Variants in CTNNA3 observed in about 807,000 individuals in gnomAD.
CTNNA3 encodes catenin alpha-3.
Under a neutral mutation model 95.7 loss-of-function variants are expected in CTNNA3, and 76 were observed. The ratio of observed to expected loss-of-function variants is 0.79; its 90% CI spans 0.66 to 0.96. The LOEUF is 0.96. CTNNA3 is among the 40% of genes least tolerant of loss of function. CTNNA3 has a pLI of 0.00. For synonymous variants in CTNNA3, 431 were observed against 374.4 expected, an observed-to-expected ratio of 1.15 and a Z score of -1.74; for missense variants, 1,191 against 1,089.8, an observed-to-expected ratio of 1.09 and a Z score of -1.31.
chr10:67,420,923 G>A lies in CTNNA3; in HGVS notation c.579+100919C>T, dbSNP rs1044052209. On this transcript the variant is annotated intron_variant, in intron 5 of 17. Transcript: ENST00000433211. ...TATCAAACTTAATAGTTTTGTTGTTGTTGTTCTAAAGAAAATAATTCAAAT... is the reference window on the plus strand; with the variant it reads ...TATCAAACTTAATAGTTTTGTTGTTATTGTTCTAAAGAAAATAATTCAAAT... Among the ~76,000 whole-genome samples the A allele has an allele frequency of 4.6e-5, 7 of 151,972 alleles. 1 individual carries two copies. The highest frequency in any genetic ancestry group is 4.6e-4 in the Admixed American group (7 of 15,234).
chr10:67,187,556 T>C (rs967029279), intron 6 of CTNNA3, among the ~76,000 whole-genome samples: 3 of 151,878 alleles, frequency 2.0e-5, no homozygotes, highest in Non-Finnish European at 4.4e-5. Context: ...CTCTCTTTCT[T>C]TCTCTCTCTC....
intron 7 of CTNNA3, among the ~76,000 whole-genome samples, chr10:66,851,052 T>C (rs10822928): frequency 0.58 from 87,681 of 151,908 alleles, 26,338 homozygotes; most frequent in Non-Finnish European, 0.63. Flanking sequence ...TGAAAGAAAG[T>C]CCAGACTCCT....
At chr10:67,328,807 C>T (rs1267961340) in intron 5 of CTNNA3, among the ~76,000 whole-genome samples, 2 of 152,124 alleles carry the variant, frequency 1.3e-5, no homozygotes, top group African/African-American at 2.4e-5. Flanking sequence ...CACCTGCCTG[C>T]GTCTAGTTGG....
chr10:67,575,492 C>T (rs1842113650), intron 3 of CTNNA3, among the ~76,000 whole-genome samples: 2 of 152,082 alleles, frequency 1.3e-5, no homozygotes, highest in African/African-American at 4.8e-5. Flanking sequence ...GAAAAAAAGC[C>T]CTCATTTTAT....
intron 11 of CTNNA3, among the ~76,000 whole-genome samples, chr10:66,391,267 C>T (rs1179712451): frequency 1.4e-5 from 2 of 144,336 alleles, no homozygotes; most frequent in African/African-American, 5.5e-5. Flanking sequence ...CTTATACAAA[C>T]TCTGCAGCAC....
intron 13 of CTNNA3, among the ~76,000 whole-genome samples, chr10:66,201,495 C>G (rs1288002249): frequency 1.3e-5 from 2 of 152,128 alleles, no homozygotes; most frequent in African/African-American, 4.8e-5. Flanking sequence ...CTCCAATAGG[C>G]CTATATCTAA....
intron 13 of CTNNA3, among the ~76,000 whole-genome samples, chr10:66,135,058 T>A (rs1458634794): frequency 6.6e-6 from 1 of 152,138 alleles, no homozygotes; most frequent in Non-Finnish European, 1.5e-5. Context: ...TAAGAAGAGA[T>A]ACTGAACTGG....
At chr10:66,446,195 C>G (rs955623550) in intron 11 of CTNNA3, among the ~76,000 whole-genome samples, 1 of 151,870 alleles carries the variant, frequency 6.6e-6, no homozygotes, top group African/African-American at 2.4e-5. Context: ...GCTTACAAAC[C>G]AAAAAAAGTC....
At chr10:67,672,713 G>A (rs1210544103) in intron 1 of CTNNA3, among the ~76,000 whole-genome samples, 2 of 152,100 alleles carry the variant, frequency 1.3e-5, no homozygotes, top group African/African-American at 4.8e-5. Context: ...TGTTCCATTG[G>A]TCGATATCTC....
At position 66,975,063 on chromosome 10, in the gene CTNNA3, A is replaced by T. The variant is rs535040687; in HGVS notation, c.1048-199539T>A. Among the ~76,000 whole-genome samples, 5 of 152,264 alleles carry T rather than the reference A, an allele frequency of 3.3e-5. No individual in the cohort carries two copies. The East Asian group carries it at 5.8e-4, about 18-fold the overall frequency. ...TAATCTGGTATTTTAGACTCCATTA[A>T]GACTCGCCATTTTGTAGCTGACCAA... is the stretch of plus-strand genomic sequence containing the variant. On this transcript the variant is annotated intron_variant, in intron 7 of 17. Transcript: ENST00000433211.
intron 5 of CTNNA3, among the ~76,000 whole-genome samples, chr10:67,471,888 TA>T (rs550650303): frequency 6.6e-6 from 1 of 152,140 alleles, no homozygotes; most frequent in Non-Finnish European, 1.5e-5. Context: ...GCTCCAAATA[TA>T]AAAAAATAAA....
intron 17 of CTNNA3, among the ~76,000 whole-genome samples, chr10:65,921,307 T>G (rs1477915417): frequency 6.6e-6 from 1 of 152,242 alleles, no homozygotes; most frequent in Non-Finnish European, 1.5e-5. Flanking sequence ...TACCTGGATC[T>G]TTTCTCAAAA....
chr10:66,984,937 T>A (rs935022083), intron 7 of CTNNA3, among the ~76,000 whole-genome samples: 1 of 152,128 alleles, frequency 6.6e-6, no homozygotes, highest in Non-Finnish European at 1.5e-5. Context: ...TAATTCAAGG[T>A]AGGCACCTGC....
At chr10:66,217,974 G>A (rs1319725577) in intron 13 of CTNNA3, among the ~76,000 whole-genome samples, 1 of 152,036 alleles carries the variant, frequency 6.6e-6, no homozygotes, top group Non-Finnish European at 1.5e-5. Flanking sequence ...GAAGGAGCTG[G>A]AGCCAGGAGA....
At chr10:67,231,253 C>A (rs1032395394) in intron 5 of CTNNA3, among the ~76,000 whole-genome samples, 10 of 152,252 alleles carry the variant, frequency 6.6e-5, no homozygotes, top group South Asian at 4.1e-4. Context: ...CAGCAGTAAC[C>A]TCTGCAGACT....
At chr10:66,282,173 C>G (rs1207098022) in intron 12 of CTNNA3, among the ~76,000 whole-genome samples, 1 of 151,736 alleles carries the variant, frequency 6.6e-6, no homozygotes, top group Non-Finnish European at 1.5e-5. Flanking sequence ...AAATCACAGT[C>G]TCCCTTTCAG....
chr10:66,956,833 C>T (rs1355210988), intron 7 of CTNNA3, among the ~76,000 whole-genome samples: 2 of 152,182 alleles, frequency 1.3e-5, no homozygotes, highest in African/African-American at 2.4e-5. Flanking sequence ...ACCAATATTC[C>T]GTTTAATCCT....
chr10:67,618,376 G>A (rs992557444), intron 2 of CTNNA3, among the ~76,000 whole-genome samples: 9 of 152,116 alleles, frequency 5.9e-5, no homozygotes, highest in African/African-American at 1.9e-4. Flanking sequence ...TCCTACTTAC[G>A]TATTCCAGAA....
chr10:67,613,817 G>A (rs1160952477), intron 2 of CTNNA3, among the ~76,000 whole-genome samples: 4 of 151,612 alleles, frequency 2.6e-5, no homozygotes, highest in African/African-American at 9.7e-5. Flanking sequence ...TGGTACCAGA[G>A]ACCCATTTTA....
Sources: gnomAD v4.1 joint callset for allele counts (sites outside exome capture counted in the v4.1 genomes callset) on GRCh38, gnomAD v4.1.1 for gene constraint, MANE v1.5 for transcripts, NCBI Gene and HGNC (gene_info 2026-07-23, HGNC 2026-07-21) for gene names.